HMGA2: variants seen among roughly 807,000 people sequenced by gnomAD.
HMGA2 encodes the protein high mobility group AT-hook 2.
A neutral mutation model predicts 19.1 loss-of-function variants in HMGA2; 8 were observed. The observed-to-expected ratio is 0.42, with a 90% CI of 0.25 to 0.76. HMGA2 has a LOEUF of 0.76. Ranked by LOEUF, HMGA2 falls within the 30% of genes least tolerant of loss-of-function variation. The pLI, the probability that HMGA2 is intolerant of heterozygous loss-of-function variation, is 0.28. For missense variants in HMGA2, 109 were observed against 136.3 expected (o/e 0.80, Z 1.00); for synonymous variants, 60 against 48.8 (o/e 1.23, Z -0.96).
rs566988908 is a variant in HMGA2, at chr12:65,929,011, C to A, written c.250-22372C>A. ...TACTTTGGGATTTCCTTTTTTCTAA[C>A]CTTCTTACCATTTTAAGAATTGGTC... On this transcript the variant is annotated intron_variant, in intron 3 of 4. Transcript: ENST00000403681. Among the ~76,000 whole-genome samples, 43 of 152,178 alleles carry A rather than the reference C, an allele frequency of 2.8e-4. No homozygotes were observed. In the South Asian group the frequency reaches 3.1e-3, roughly 11 times the overall value.
At chr12:65,931,260 T>A (rs1243630900) in intron 3 of HMGA2, among the ~76,000 whole-genome samples, 1 of 152,176 alleles carries the variant, frequency 6.6e-6, no homozygotes, top group Non-Finnish European at 1.5e-5. Flanking sequence ...TTTTAAGTTA[T>A]TTTTCTGCCC....
intron 3 of HMGA2, among the ~76,000 whole-genome samples, chr12:65,901,212 A>G (rs1460659578): frequency 6.6e-6 from 1 of 152,218 alleles, no homozygotes; most frequent in African/African-American, 2.4e-5. Context: ...ATTATTGAGA[A>G]CATTTTAATA....
intron 3 of HMGA2, among the ~76,000 whole-genome samples, chr12:65,931,552 TG>T (rs1201759048): frequency 1.6e-4 from 3 of 18,776 alleles, no homozygotes; most frequent in East Asian, 0.025. Flanking sequence ...TATAGATGTT[TG>T]TGTGTGTGTG....
intron 3 of HMGA2, among the ~76,000 whole-genome samples, chr12:65,838,941 G>A (rs751617399): frequency 6.9e-6 from 1 of 144,190 alleles, no homozygotes; most frequent in African/African-American, 2.7e-5. Context: ...CATACACAAT[G>A]TGTATGTGAT....
intron 3 of HMGA2, among the ~76,000 whole-genome samples, chr12:65,913,085 G>A (rs1223792379): frequency 6.6e-6 from 1 of 152,130 alleles, no homozygotes; most frequent in African/African-American, 2.4e-5. Context: ...TACACTAGAC[G>A]TTATTAAAAC....
chr12:65,858,867 T>C (rs919986676), intron 3 of HMGA2: 10 of 152,248 alleles, frequency 6.6e-5, no homozygotes, highest in Admixed American at 5.2e-4. Context: ...ACTGTTGCAT[T>C]ATTTTTATGT....
chr12:65,885,127 T>G (rs1466029701), intron 3 of HMGA2, among the ~76,000 whole-genome samples: 1 of 152,222 alleles, frequency 6.6e-6, no homozygotes, highest in Non-Finnish European at 1.5e-5. Flanking sequence ...TGTTTATTTA[T>G]TCCTTAGAAC....
chr12:65,887,983 A>C (rs1254783025), intron 3 of HMGA2, among the ~76,000 whole-genome samples: 1 of 151,938 alleles, frequency 6.6e-6, no homozygotes. Flanking sequence ...TGATTGCATT[A>C]AGTTTTCTAT....
intron 3 of HMGA2, among the ~76,000 whole-genome samples, chr12:65,844,872 T>C (rs1266341451): frequency 1.3e-5 from 2 of 152,134 alleles, no homozygotes; most frequent in Non-Finnish European, 2.9e-5. Flanking sequence ...AGACAGGAGG[T>C]AGTTCATAAA....
At chr12:65,934,291 T>G (rs553454871) in intron 3 of HMGA2, among the ~76,000 whole-genome samples, 5 of 152,328 alleles carry the variant, frequency 3.3e-5, no homozygotes, top group Non-Finnish European at 5.9e-5. Flanking sequence ...AAACCAGTAT[T>G]GCCTGGATCC....
At chr12:65,941,208 G>T (rs143864119) in intron 3 of HMGA2, among the ~76,000 whole-genome samples, 117 of 152,218 alleles carry the variant, frequency 7.7e-4, no homozygotes, top group African/African-American at 2.6e-3. Flanking sequence ...AAGACAAGAC[G>T]AATGAAGTAT....
chr12:65,919,485 G>A (rs1875226251), intron 3 of HMGA2, among the ~76,000 whole-genome samples: 1 of 152,224 alleles, frequency 6.6e-6, no homozygotes, highest in Non-Finnish European at 1.5e-5. Flanking sequence ...GTAAGTGCAG[G>A]TGATGCCAGG....
chr12:65,949,551 G>C (rs1333133019), intron 3 of HMGA2, among the ~76,000 whole-genome samples: 1 of 152,176 alleles, frequency 6.6e-6, no homozygotes, highest in Non-Finnish European at 1.5e-5. Flanking sequence ...TGAGAGTGAG[G>C]ACTGGAAGCA....
intron 3 of HMGA2, among the ~76,000 whole-genome samples, chr12:65,886,604 G>A (rs893649587): frequency 3.3e-5 from 5 of 151,778 alleles, no homozygotes; most frequent in Non-Finnish European, 5.9e-5. Context: ...TGATCTGCCC[G>A]TCTCGGCCTC....
At chr12:65,926,794 T>A (rs1210312499) in intron 3 of HMGA2, among the ~76,000 whole-genome samples, 2 of 152,094 alleles carry the variant, frequency 1.3e-5, no homozygotes, top group Admixed American at 1.3e-4. Context: ...AAACATTCAG[T>A]GAGACATTCA....
chr12:65,947,335 G>A (rs999141195), intron 3 of HMGA2, among the ~76,000 whole-genome samples: 1 of 152,062 alleles, frequency 6.6e-6, no homozygotes, highest in Non-Finnish European at 1.5e-5. Context: ...AGCTGGTCTC[G>A]AACTCGTGAG....
chr12:65,896,179 C>T (rs1006621910), intron 3 of HMGA2, among the ~76,000 whole-genome samples: 2 of 152,168 alleles, frequency 1.3e-5, no homozygotes, highest in African/African-American at 4.8e-5. Flanking sequence ...TCTTTGAAAA[C>T]CATTTTCTTC....
chr12:65,826,814 T>C (rs1592368502), intron 1 of HMGA2: 1 of 138,188 alleles, frequency 7.2e-6, no homozygotes, highest in Admixed American at 7.5e-5. Flanking sequence ...GAAATTACAA[T>C]GGGGTCTGGA....
At chr12:65,890,101 A>T (rs760770277) in intron 3 of HMGA2, among the ~76,000 whole-genome samples, 5 of 152,238 alleles carry the variant, frequency 3.3e-5, no homozygotes, top group Non-Finnish European at 5.9e-5. Flanking sequence ...GGCTAATTTT[A>T]TCAGCAAAAC....
Sources: allele counts gnomAD v4.1 joint callset (sites outside exome capture counted in the v4.1 genomes callset), GRCh38; gene constraint gnomAD v4.1.1; transcripts MANE v1.5; gene names NCBI Gene and HGNC (gene_info 2026-07-23, HGNC 2026-07-21).